The following CRYGN variants were observed in gnomAD, a reference collection of about 807,000 sequenced individuals.
CRYGN encodes crystallin gamma N.
CRYGN carries 17 observed loss-of-function variants against 19.2 expected under a neutral mutation model. The observed-to-expected ratio is 0.89, with a 90% CI of 0.61 to 1.33. The LOEUF (loss-of-function observed/expected upper bound fraction) is 1.33, where lower values mean the gene tolerates loss of function less well. Ranked by LOEUF, CRYGN falls within the 40% of genes most tolerant of loss-of-function variation. The pLI is 0.00. For missense variants in CRYGN, 239 were observed against 239.6 expected (o/e 1.00, Z 0.02); for synonymous variants, 84 against 85.8 (o/e 0.98, Z 0.12).
At position 151,436,144 on chromosome 7, in the gene CRYGN, CG is replaced by C. The variant is rs769504281; in HGVS notation, c.416+35del. ...CACGCCTGGTGCTGAAGGGCCTAGCCGGGCCTCGGGGTGCGGCCACGTGGCC... is the reference window on the plus strand; with the variant it reads ...CACGCCTGGTGCTGAAGGGCCTAGCCGGCCTCGGGGTGCGGCCACGTGGCC... On this transcript the variant is annotated intron_variant, in intron 3 of 3. Transcript: ENST00000337323. The surrounding 1 kb of genome is among the most constrained non-coding windows in gnomAD (Gnocchi z 5.1). 4.3e-6 allele frequency: 6 copies of C among 1,388,018 alleles called. No individual in the cohort carries two copies. Among genetic ancestry groups the C allele is most frequent in the Non-Finnish European group, 5.6e-6 (6 of 1,062,294 alleles). The allele number at this position is 1,388,018 out of a possible 1,614,324, so 86.0% of individuals were successfully genotyped here.
rs773665698 is a variant in CRYGN, at chr7:151,430,078, G to C, written c.519C>G (p.Thr173=). ...PEEATTKPAT[T]QPPFLTANL The stretch of plus-strand genomic sequence containing the variant: ...GGTTTGCAGTCAGGAAAGGTGGCTG[G>C]GTTGTTGCTGGTTTTGTGGTGGCCT... The change falls in exon 4 of 4, where the codon ACC becomes ACG. Residue 173 remains threonine (T), a synonymous_variant. Coordinates refer to ENST00000337323, the MANE Select transcript of CRYGN (RefSeq NM_144727.3). This position sits in a 1 kb window ranked among gnomAD's most constrained non-coding sequence, Gnocchi z 5.2. The C allele has an allele frequency of 2.2e-6, 3 of 1,371,380 alleles. No individual in the cohort carries two copies. The highest frequency in any genetic ancestry group is 3.1e-6 in the Non-Finnish European group (3 of 958,288). The allele number at this position is 1,371,380 out of a possible 1,614,324, so 85.0% of individuals were successfully genotyped here. A position where few individuals can be genotyped will look rare whatever the true frequency, so the allele number is the denominator to read the frequency against.
At position 151,438,071 on chromosome 7, in the gene CRYGN, C is replaced by CAG. The variant is rs768280299; in HGVS notation, c.194_195insCT (p.Glu65AspfsTer25). ...GGAAGAAGTCGGGGTAGTCGCCGTG[C>CAG]TCCAAGATGAACTGCTGGCCCCGGA... is the stretch of plus-strand genomic sequence containing the variant. On this transcript the variant is annotated frameshift_variant, in exon 2 of 4. Coordinates refer to ENST00000337323, the MANE Select transcript of CRYGN (RefSeq NM_144727.3). LOFTEE classifies it high-confidence loss of function. The CAG allele has an allele frequency of 3.1e-6, 5 of 1,614,072 alleles. No homozygotes were observed. In the South Asian group the frequency reaches 5.5e-5, roughly 18 times the overall value.
intron 2 of CRYGN, among the ~76,000 whole-genome samples, chr7:151,437,253 C>T (rs1008562696): frequency 3.3e-5 from 5 of 152,158 alleles, no homozygotes; most frequent in Non-Finnish European, 5.9e-5. Context: ...GCCCAGGCGT[C>T]GGGGGAGGGT....
chr7:151,437,802 A>G, intron 2 of CRYGN, 194 bp downstream of exon 2: 1 of 1,458,430 alleles, frequency 6.9e-7, no homozygotes, highest in Non-Finnish European at 9.0e-7. Flanking sequence ...GGCCACTCCC[A>G]CTCAGTTCAT....
intron 1 of CRYGN, among the ~76,000 whole-genome samples, 163 bp downstream of exon 1, chr7:151,439,734 G>A (rs113802450): frequency 0.012 from 1,810 of 152,314 alleles, 18 homozygotes; most frequent in Middle Eastern, 0.041. Flanking sequence ...CCACACCAGA[G>A]AGGCCCCAGG....
In CRYGN at chr7:151,433,046, G is replaced by A. The variant is rs1474053965; in HGVS notation, c.417-2866C>T. 2.6e-5 allele frequency among the ~76,000 whole-genome samples: 4 copies of A among 152,252 alleles called. No individual in the cohort carries two copies. Among genetic ancestry groups the A allele is most frequent in the Non-Finnish European group, 4.4e-5 (3 of 68,042 alleles). ...TGCAGAGGAAATGGGCTGTGGGGGT[G>A]CAGTTGCATGGAGGAGCCTGCAGGG... is the stretch of plus-strand genomic sequence containing the variant. On this transcript the variant is annotated intron_variant, in intron 3 of 3. Transcript: ENST00000337323. The surrounding 1 kb of genome is among the most constrained non-coding windows in gnomAD (Gnocchi z 5.1).
intron 3 of CRYGN, among the ~76,000 whole-genome samples, chr7:151,432,953 C>G (rs1801506435): frequency 6.6e-6 from 1 of 152,216 alleles, no homozygotes; most frequent in Admixed American, 6.5e-5. Flanking sequence ...AACACTGTGT[C>G]AGGTACCAGA....
In CRYGN at chr7:151,430,170, G is replaced by A; in HGVS notation, c.427C>T (p.Pro143Ser). ...KVYGDGAAWS[P>S]RSFGAEDFQL... ...AAGTCCTCAGCTCCGAAGCTTCTAG[G>A]GCTCCATGCTCTGTGGTTTGCAGGT... The change falls in exon 4 of 4, where the codon CCT (proline) becomes TCT (serine). Residue 143 changes from proline (P) to serine (S), a missense_variant. Pro to Ser is a moderately conservative substitution (Grantham distance 74). Coordinates refer to ENST00000337323, the MANE Select transcript of CRYGN (RefSeq NM_144727.3). The surrounding 1 kb of genome is among the most constrained non-coding windows in gnomAD (Gnocchi z 5.2). The A allele has an allele frequency of 6.2e-7, 1 of 1,613,948 alleles. No homozygotes were observed. The highest frequency in any genetic ancestry group is 1.7e-4 in the Middle Eastern group (1 of 5,894).
chr7:151,435,200 G>C lies in CRYGN; in HGVS notation c.416+980C>G, dbSNP rs1801572268. ...AAATTGTTCCTCAATTGCTTCGATA[G>C]GCGCCAGAACCATGCACAGCCAGCT... On this transcript the variant is annotated intron_variant, in intron 3 of 3. Transcript: ENST00000337323. The surrounding 1 kb of genome is among the most constrained non-coding windows in gnomAD (Gnocchi z 4.2). Among the ~76,000 whole-genome samples the C allele has an allele frequency of 6.6e-6, 1 of 152,176 alleles. No homozygotes were observed. The highest frequency in any genetic ancestry group is 6.5e-5 in the Admixed American group (1 of 15,278).
Position 151,430,200 on chromosome 7 carries a change from G to A in CRYGN, c.417-20C>T, listed in dbSNP as rs369158483. 1 of 1,613,060 alleles carries A rather than the reference G, an allele frequency of 6.2e-7. No homozygotes were observed. The highest frequency in any genetic ancestry group is 8.5e-7 in the Non-Finnish European group (1 of 1,179,924). On this transcript the variant is annotated intron_variant, in intron 3 of 3. Transcript: ENST00000337323. This position sits in a 1 kb window ranked among gnomAD's most constrained non-coding sequence, Gnocchi z 5.2. ...CATGCTCTGTGGTTTGCAGGTGAAA[G>A]GAGGTGGGGCCAGGGCATTAGGGGT... is the stretch of plus-strand genomic sequence containing the variant.
At position 151,432,228 on chromosome 7, in the gene CRYGN, G is replaced by A. The variant is rs1046932384; in HGVS notation, c.417-2048C>T. 15 of 1,232,026 alleles carry A rather than the reference G, an allele frequency of 1.2e-5. No individual in the cohort carries two copies. In the South Asian group the frequency reaches 1.6e-4, roughly 14 times the overall value. 76.3% of individuals were successfully genotyped at this position (1,232,026 alleles called of 1,614,324 possible). ...CCCAGTCCGAGAAGCTGCGGAAGTC[G>A]CCACTCTCCACCACGTACATGCGGC... On this transcript the variant is annotated intron_variant, in intron 3 of 3. Transcript: ENST00000337323.
Position 151,429,858 on chromosome 7 carries a change from G to C in CRYGN, c.*190C>G. On this transcript the variant is annotated 3_prime_UTR_variant, in exon 4 of 4. Coordinates refer to ENST00000337323, the MANE Select transcript of CRYGN (RefSeq NM_144727.3). ...GAGGCTGTGGGGTGGAGGGTTGGAC[G>C]GCTGTTTCAGAAGAGACAGGGCCCT... 1.6e-6 allele frequency: 1 copy of C among 607,348 alleles called. No individual in the cohort carries two copies. Among genetic ancestry groups the C allele is most frequent in the Non-Finnish European group, 3.0e-6 (1 of 337,470 alleles). The allele number at this position is 607,348 out of a possible 1,614,324, so 37.6% of individuals were successfully genotyped here. A position where few individuals can be genotyped will look rare whatever the true frequency, so the allele number is the denominator to read the frequency against.
chr7:151,431,237 T>A lies in CRYGN; in HGVS notation c.417-1057A>T, dbSNP rs1342293989. Among the ~76,000 whole-genome samples the A allele has an allele frequency of 1.3e-5, 2 of 152,010 alleles. No individual in the cohort carries two copies. The highest frequency in any genetic ancestry group is 2.9e-5 in the Non-Finnish European group (2 of 67,978). On this transcript the variant is annotated intron_variant, in intron 3 of 3. Coordinates refer to ENST00000337323, the MANE Select transcript of CRYGN (RefSeq NM_144727.3). This position sits in a 1 kb window ranked among gnomAD's most constrained non-coding sequence, Gnocchi z 4.8. Reference sequence around the variant, plus strand: ...CGTGGGACCTTTCCTCTCTCCCCAGTGAGTTGGAAGCATAGGCGTGGGTGG... The same window carrying A: ...CGTGGGACCTTTCCTCTCTCCCCAGAGAGTTGGAAGCATAGGCGTGGGTGG...
In CRYGN at chr7:151,437,697, T is replaced by A. The variant is rs1050604399; in HGVS notation, c.270+299A>T. 3.4e-6 allele frequency: 3 copies of A among 873,410 alleles called. No homozygotes were observed. In the African/African-American group the frequency reaches 5.1e-5, roughly 15 times the overall value. 54.1% of individuals were successfully genotyped at this position (873,410 alleles called of 1,614,324 possible). A position where few individuals can be genotyped will look rare whatever the true frequency, so the allele number is the denominator to read the frequency against. On this transcript the variant is annotated intron_variant, in intron 2 of 3. Coordinates refer to ENST00000337323, the MANE Select transcript of CRYGN (RefSeq NM_144727.3). Reference sequence around the variant, plus strand: ...CCCCTATCTGGCTGGAAATCTAAATTTGGATGATTTCAACAGCATTTTAAA... The same window carrying A: ...CCCCTATCTGGCTGGAAATCTAAATATGGATGATTTCAACAGCATTTTAAA...
Position 151,435,888 on chromosome 7 carries a change from C to G in CRYGN, c.416+292G>C, listed in dbSNP as rs1801589819. ...ACCGTGCAACTTTCAAGGTACTCTC[C>G]TACCTCTGCTCCTGGACTGAGGCCC... On this transcript the variant is annotated intron_variant, in intron 3 of 3. Transcript: ENST00000337323. This position sits in a 1 kb window ranked among gnomAD's most constrained non-coding sequence, Gnocchi z 4.2. 1.3e-5 allele frequency among the ~76,000 whole-genome samples: 2 copies of G among 152,206 alleles called. No individual in the cohort carries two copies. Among genetic ancestry groups the G allele is most frequent in the Admixed American group, 1.3e-4 (2 of 15,292 alleles).
chr7:151,439,906 G>T lies in CRYGN; in HGVS notation c.12C>A (p.Arg4=). 2 of 1,554,074 alleles carry T rather than the reference G, an allele frequency of 1.3e-6. No individual in the cohort carries two copies. ...TGAGGGACGCACTCACCTTCCCCGA[G>T]CGCTGCGCCATGGTGCGCCCCGCCC... MAQ[R]SGKITLYEGK... Residue 4 remains arginine (R), a synonymous_variant, in exon 1 of 4, where the codon CGC becomes CGA. Coordinates refer to ENST00000337323, the MANE Select transcript of CRYGN (RefSeq NM_144727.3).
rs1407598372 is a variant in CRYGN, at chr7:151,428,891, T to G, written c.*1157A>C. On this transcript the variant is annotated 3_prime_UTR_variant, in exon 4 of 4. Transcript: ENST00000337323. The stretch of plus-strand genomic sequence containing the variant: ...ACAAAAAGCAGATTTGCTGACAGAT[T>G]AGGGAGCAGGGGGCTGGGGTGAGGG... 2.0e-5 allele frequency: 3 copies of G among 152,352 alleles called. No homozygotes were observed. The East Asian group carries it at 5.8e-4, about 30-fold the overall frequency. The allele number at this position is 152,352 out of a possible 1,614,324, so 9.4% of individuals were successfully genotyped here.
At position 151,435,323 on chromosome 7, in the gene CRYGN, T is replaced by A. The variant is rs552982581; in HGVS notation, c.416+857A>T. ...GGGACAGACACAGGCTTGGCTGCAG[T>A]CTCAGCTGTGCCACTCCCACGGGGC... On this transcript the variant is annotated intron_variant, in intron 3 of 3. Transcript: ENST00000337323. This position sits in a 1 kb window ranked among gnomAD's most constrained non-coding sequence, Gnocchi z 4.2. Among the ~76,000 whole-genome samples the A allele has an allele frequency of 2.6e-5, 4 of 152,304 alleles. No individual in the cohort carries two copies. Among genetic ancestry groups the A allele is most frequent in the African/African-American group, 9.6e-5 (4 of 41,558 alleles).
chr7:151,437,261 G>C (rs1030648293), intron 2 of CRYGN, among the ~76,000 whole-genome samples: 1 of 152,140 alleles, frequency 6.6e-6, no homozygotes, highest in Non-Finnish European at 1.5e-5. Flanking sequence ...GTCGGGGGAG[G>C]GTCCTCAGCA....
Sources: allele counts gnomAD v4.1 joint callset (sites outside exome capture counted in the v4.1 genomes callset), GRCh38; gene constraint gnomAD v4.1.1; non-coding constraint Gnocchi (gnomAD v3.1); transcripts MANE v1.5; gene names NCBI Gene and HGNC (gene_info 2026-07-23, HGNC 2026-07-21).